The following MATR3 variants were observed in gnomAD, a reference collection of about 807,000 sequenced individuals.
MATR3 encodes matrin 3.
MATR3 carries 4 observed loss-of-function variants against 85.5 expected under a neutral mutation model. That is an observed-to-expected ratio of 0.05 (90% CI 0.02 to 0.11). The LOEUF is 0.11. MATR3 is among the 10% of genes least tolerant of loss of function. MATR3 has a pLI of 1.00. For synonymous variants in MATR3, 336 were observed against 343.1 expected (o/e 0.98, Z 0.23); for missense variants, 685 against 1,016.1 (o/e 0.67, Z 4.43).
intron 1 of MATR3, among the ~76,000 whole-genome samples, chr5:139,301,975 A>T (rs2151945663): frequency 6.6e-6 from 1 of 152,364 alleles, no homozygotes; most frequent in African/African-American, 2.4e-5. Flanking sequence ...CAAGAAGTGG[A>T]CTAAAAATTG....
chr5:139,285,578 CAGG>C (rs765001839), intron 3 of MATR3, among the ~76,000 whole-genome samples: 2 of 152,054 alleles, frequency 1.3e-5, no homozygotes, highest in East Asian at 1.9e-4. Context: ...GAGGCTGAGG[CAGG>C]AGAATTATTT....
At chr5:139,311,545 C>T (rs1256693961) in intron 2 of MATR3, 3 of 152,016 alleles carry the variant, frequency 2.0e-5, no homozygotes, top group Non-Finnish European at 4.4e-5. Context: ...ACACTTTTCC[C>T]CTAAGTTTGA....
At chr5:139,318,199 T>A (rs1272695376) in intron 7 of MATR3, among the ~76,000 whole-genome samples, 2 of 151,368 alleles carry the variant, frequency 1.3e-5, no homozygotes, top group African/African-American at 4.9e-5. Context: ...AGTGGCGCGA[T>A]CTCAGCTCAC....
intron 12 of MATR3, among the ~76,000 whole-genome samples, chr5:139,323,892 GA>G (rs200270742): frequency 1.8e-4 from 26 of 144,260 alleles, no homozygotes; most frequent in African/African-American, 3.5e-4. Context: ...ACTGTCTCAA[GA>G]AAAAAAAAAA....
rs375938101 is a variant in MATR3, at chr5:139,316,175, A to G, written c.1116A>G (p.Pro372=). Residue 372 remains proline (P), a synonymous_variant, in exon 5 of 15, where the codon CCA becomes CCG. Coordinates refer to ENST00000394805, the MANE Select transcript of MATR3 (RefSeq NM_018834.6). ...ATCTTGGGGGACCAGCAGTTGGACC[A>G]AGAGGAAATCTGGGTAATTATATAA... The part of the protein sequence containing the change: ...SFHLGGPAVG[P]RGNLGAGNGN... 146 of 1,612,058 alleles carry G rather than the reference A, an allele frequency of 9.1e-5. No individual in the cohort carries two copies. The highest frequency in any genetic ancestry group is 2.3e-4 in the Admixed American group (14 of 60,006).
intron 1 of MATR3, among the ~76,000 whole-genome samples, chr5:139,297,951 G>C (rs915739049): frequency 2.6e-5 from 4 of 151,962 alleles, no homozygotes; most frequent in African/African-American, 9.7e-5. Context: ...TGGAGAAGGA[G>C]AGAGTAGTTG....
intron 1 of MATR3, among the ~76,000 whole-genome samples, chr5:139,300,979 CTTT>C (rs1228196194): frequency 1.3e-5 from 2 of 151,418 alleles, no homozygotes; most frequent in African/African-American, 4.9e-5. Context: ...ACACCTGGCT[CTTT>C]TTTGTATTTT....
chr5:139,304,841 T>C (rs1279541252), intron 1 of MATR3, among the ~76,000 whole-genome samples: 25 of 152,226 alleles, frequency 1.6e-4, no homozygotes, highest in Non-Finnish European at 5.9e-5. Context: ...CATATTGTGC[T>C]GCCTTTGCTA....
chr5:139,298,804 A>T (rs1307221274), intron 1 of MATR3, among the ~76,000 whole-genome samples: 1 of 152,212 alleles, frequency 6.6e-6, no homozygotes, highest in African/African-American at 2.4e-5. Flanking sequence ...GCACCAAGGG[A>T]CACCAAGAAA....
At chr5:139,321,719 G>A (rs530781276) in intron 9 of MATR3, 179 bp from the exon 10 acceptor site, 53 of 636,928 alleles carry the variant, frequency 8.3e-5, no homozygotes, top group Non-Finnish European at 1.2e-4. Flanking sequence ...GTACATCAAC[G>A]CTTCAGCAAG....
chr5:139,308,950 T>C (rs529031946), intron 2 of MATR3, among the ~76,000 whole-genome samples: 54 of 152,304 alleles, frequency 3.5e-4, no homozygotes, highest in African/African-American at 1.2e-3. Context: ...TAAACATACT[T>C]CAAAACTCAC....
chr5:139,313,974 T>C (rs1477033597), intron 2 of MATR3: 1 of 152,392 alleles, frequency 6.6e-6, no homozygotes, highest in Non-Finnish European at 1.5e-5. Flanking sequence ...TGGAGTGCAG[T>C]GGCGCAGTCT....
At chr5:139,325,820 T>C (rs531571706) in intron 13 of MATR3, among the ~76,000 whole-genome samples, 158 bp downstream of exon 13, 5 of 152,256 alleles carry the variant, frequency 3.3e-5, no homozygotes, top group East Asian at 1.9e-4. Context: ...TTAATTGATA[T>C]ATTTTCCTCT....
intron 5 of MATR3, among the ~76,000 whole-genome samples, chr5:139,316,711 A>G (rs1434793576): frequency 6.6e-6 from 1 of 151,994 alleles, no homozygotes; most frequent in East Asian, 1.9e-4. Context: ...CACCACACCC[A>G]GCTAATTTTT....
At chr5:139,279,240 T>C (rs866449525) in intron 3 of MATR3, 6 of 443,912 alleles carry the variant, frequency 1.4e-5, no homozygotes, top group Admixed American at 4.8e-5. Context: ...AGACTTTTTT[T>C]TGGGGGGGGA....
Position 139,331,395 on chromosome 5 carries a change from C to CT in MATR3, c.*2005dup, listed in dbSNP as rs1561950206. On this transcript the variant is annotated 3_prime_UTR_variant, in exon 15 of 15. Transcript: ENST00000394805. ...CTTCAGTGTTTCCTTTCAGTGATGGCTTTTTCATAGCTTCAACTTTGTTGG... is the reference window on the plus strand; with the variant it reads ...CTTCAGTGTTTCCTTTCAGTGATGGCTTTTTTCATAGCTTCAACTTTGTTGG... 4.4e-6 allele frequency: 2 copies of CT among 454,100 alleles called. No homozygotes were observed. Among genetic ancestry groups the CT allele is most frequent in the South Asian group, 3.1e-5 (2 of 64,480 alleles). 28.1% of individuals were successfully genotyped at this position (454,100 alleles called of 1,614,324 possible).
At chr5:139,322,130 A>G (rs1394760736) in intron 10 of MATR3, 101 bp downstream of exon 10, 1 of 1,300,254 alleles carries the variant, frequency 7.7e-7, no homozygotes, top group Non-Finnish European at 1.1e-6. Flanking sequence ...ATACAGGATT[A>G]TTGAAACCTA....
At chr5:139,300,942 T>TA (rs1754407572) in intron 1 of MATR3, among the ~76,000 whole-genome samples, 1 of 152,082 alleles carries the variant, frequency 6.6e-6, no homozygotes, top group South Asian at 2.1e-4. Flanking sequence ...GCCTCCCGAG[T>TA]AGCTGGGATT....
At chr5:139,306,747 A>C (rs1754732100) in intron 1 of MATR3, among the ~76,000 whole-genome samples, 1 of 152,306 alleles carries the variant, frequency 6.6e-6, no homozygotes, top group South Asian at 2.1e-4. Flanking sequence ...TAGGTACTTG[A>C]AACCTAAGCT....
Sources: allele counts gnomAD v4.1 joint callset (sites outside exome capture counted in the v4.1 genomes callset), GRCh38; gene constraint gnomAD v4.1.1; transcripts MANE v1.5; gene names NCBI Gene and HGNC (gene_info 2026-07-23, HGNC 2026-07-21).